Variants in RBFOX1 observed in about 807,000 individuals in gnomAD.
RBFOX1 encodes RNA binding protein fox-1 homolog 1.
In RBFOX1, 8 loss-of-function variants were observed where a neutral mutation model predicts 57.7. The observed-to-expected ratio is 0.14, with a 90% confidence interval of 0.08 to 0.25. The LOEUF (loss-of-function observed/expected upper bound fraction) is 0.25, where lower values mean the gene tolerates loss of function less well. Among genes scored for constraint, RBFOX1 ranks in the 10% least tolerant of loss-of-function variants. RBFOX1 has a pLI of 1.00. For missense variants in RBFOX1, 611 were observed against 548.5 expected (o/e 1.11, Z -1.14); for synonymous variants, 326 against 222.4 (o/e 1.47, Z -4.15).
chr16:5,677,267 G>A (rs938957904), intron 3 of RBFOX1, among the ~76,000 whole-genome samples: 7 of 152,218 alleles, frequency 4.6e-5, no homozygotes, highest in African/African-American at 1.4e-4. Context: ...GTTCTGCAAA[G>A]AATATGTCCT....
At chr16:7,053,965 C>T (rs532937677) in intron 4 of RBFOX1, among the ~76,000 whole-genome samples, 38 of 152,138 alleles carry the variant, frequency 2.5e-4, no homozygotes, top group African/African-American at 8.4e-4. Flanking sequence ...AAAGAGAGTG[C>T]AATGGAGTTT....
At chr16:5,508,615 T>A (rs1397788434) in intron 2 of RBFOX1, among the ~76,000 whole-genome samples, 1 of 151,356 alleles carries the variant, frequency 6.6e-6, no homozygotes, top group Non-Finnish European at 1.5e-5. Context: ...ACACCCAAGA[T>A]GTTGGGGGTG....
chr16:7,469,945 G>T (rs573576921), intron 4 of RBFOX1, among the ~76,000 whole-genome samples: 1 of 151,582 alleles, frequency 6.6e-6, no homozygotes, highest in East Asian at 1.9e-4. Context: ...GTCTTTTTGT[G>T]ACTGGCTTAT....
intron 3 of RBFOX1, among the ~76,000 whole-genome samples, chr16:6,925,964 T>C (rs909783105): frequency 6.6e-6 from 1 of 152,160 alleles, no homozygotes; most frequent in Non-Finnish European, 1.5e-5. Context: ...TCGTTAAGTC[T>C]GTAGTCCTGG....
rs748699794 is a variant in RBFOX1 at position 7,676,754 on chromosome 16, C to T, written c.931-20C>T. 5.0e-6 allele frequency: 8 copies of T among 1,606,960 alleles called. No homozygotes were observed. Among genetic ancestry groups the T allele is most frequent in the Non-Finnish European group, 6.8e-6 (8 of 1,174,382 alleles). On this transcript the variant is annotated intron_variant, in intron 13 of 15. Transcript: ENST00000550418. ...TGGGCTCCGCTACATTCCTGAGTCA[C>T]ATTTCTCCTTGTGTTTTAGGGTGGT...
chr16:7,550,708 G>A lies in RBFOX1; in HGVS notation c.271-29069G>A, dbSNP rs145655408. On this transcript the variant is annotated intron_variant, in intron 5 of 15. Transcript: ENST00000550418. ...TATGCACCATGTCTCTGGACTCACT[G>A]GAGGGCACCTACAGTGAGTTTTCAG... Among the ~76,000 whole-genome samples, 1,345 of 152,174 alleles carry A rather than the reference G, an allele frequency of 8.8e-3. 13 individuals are homozygous for A. The highest frequency in any genetic ancestry group is 0.021 in the South Asian group (102 of 4,810).
chr16:6,926,454 A>G (rs1321430874), intron 3 of RBFOX1, among the ~76,000 whole-genome samples: 1 of 152,194 alleles, frequency 6.6e-6, no homozygotes, highest in African/African-American at 2.4e-5. Flanking sequence ...ATCGGTGTTC[A>G]GATGTAGATA....
At chr16:7,132,737 A>G (rs2070845947) in intron 4 of RBFOX1, among the ~76,000 whole-genome samples, 1 of 152,182 alleles carries the variant, frequency 6.6e-6, no homozygotes, top group Non-Finnish European at 1.5e-5. Flanking sequence ...TCACAAGAAG[A>G]CAAATACTGC....
intron 1 of RBFOX1, among the ~76,000 whole-genome samples, chr16:6,253,625 GGATGGATA>G (rs1352743460): frequency 5.9e-5 from 9 of 151,556 alleles, no homozygotes; most frequent in East Asian, 1.9e-4. Flanking sequence ...ATGGATGGAT[GGATGGATA>G]GATAGATAAT....
intron 3 of RBFOX1, among the ~76,000 whole-genome samples, chr16:5,646,779 C>T (rs570010587): frequency 3.9e-5 from 6 of 152,188 alleles, no homozygotes; most frequent in South Asian, 2.1e-4. Context: ...GGACTACAGG[C>T]GCCCATCACC....
At chr16:7,121,367 A>G (rs2067145806) in intron 4 of RBFOX1, among the ~76,000 whole-genome samples, 1 of 152,146 alleles carries the variant, frequency 6.6e-6, no homozygotes, top group African/African-American at 2.4e-5. Flanking sequence ...TAAAATCCCA[A>G]GGAACTCTAA....
At chr16:7,193,084 A>G (rs999263750) in intron 4 of RBFOX1, among the ~76,000 whole-genome samples, 7 of 152,216 alleles carry the variant, frequency 4.6e-5, no homozygotes, top group South Asian at 2.1e-4. Flanking sequence ...AGGAAAATTA[A>G]GATTACATGT....
At chr16:7,189,088 G>A (rs1193508755) in intron 4 of RBFOX1, among the ~76,000 whole-genome samples, 1 of 151,548 alleles carries the variant, frequency 6.6e-6, no homozygotes, top group African/African-American at 2.4e-5. Flanking sequence ...AATCCTCATA[G>A]GAAGACCTAC....
intron 3 of RBFOX1, among the ~76,000 whole-genome samples, chr16:6,658,121 C>G (rs553693213): frequency 1.3e-5 from 2 of 152,104 alleles, no homozygotes; most frequent in African/African-American, 4.8e-5. Flanking sequence ...GTGCCTCATT[C>G]CCATTCTCTT....
Position 6,845,097 on chromosome 16 carries a change from T to G in RBFOX1, c.-16+190447T>G, listed in dbSNP as rs541115494. On this transcript the variant is annotated intron_variant, in intron 3 of 15. Transcript: ENST00000550418. Reference sequence around the variant, plus strand: ...GGATATTAGACCTTTGTCAGATGGATAGATTGCGAACATTGTCTGCCATTC... The same window carrying G: ...GGATATTAGACCTTTGTCAGATGGAGAGATTGCGAACATTGTCTGCCATTC... 1.2e-4 allele frequency among the ~76,000 whole-genome samples: 19 copies of G among 152,346 alleles called. No individual in the cohort carries two copies. In the South Asian group the frequency reaches 3.7e-3, roughly 30 times the overall value.
At chr16:5,856,833 A>G (rs1285068486) in intron 3 of RBFOX1, among the ~76,000 whole-genome samples, 2 of 151,580 alleles carry the variant, frequency 1.3e-5, no homozygotes, top group Non-Finnish European at 2.9e-5. Flanking sequence ...GTTGTGGCTT[A>G]TTTGATCTTC....
intron 1 of RBFOX1, among the ~76,000 whole-genome samples, chr16:6,278,430 A>C (rs1355062034): frequency 1.3e-5 from 2 of 148,206 alleles, no homozygotes; most frequent in African/African-American, 4.9e-5. Flanking sequence ...ACAACACAAG[A>C]AGAGTATTAC....
intron 3 of RBFOX1, among the ~76,000 whole-genome samples, chr16:6,861,452 C>G (rs751375080): frequency 4.0e-5 from 6 of 151,526 alleles, no homozygotes; most frequent in Non-Finnish European, 8.8e-5. Flanking sequence ...GCCTGACTCT[C>G]TTTTCCAAAA....
chr16:7,373,257 AAAC>A (rs1222220364), intron 4 of RBFOX1, among the ~76,000 whole-genome samples: 4 of 152,122 alleles, frequency 2.6e-5, no homozygotes, highest in African/African-American at 7.2e-5. Context: ...TTTAATTCTA[AAAC>A]AACAATTAGT....
Sources: gnomAD v4.1 joint callset for allele counts (sites outside exome capture counted in the v4.1 genomes callset) on GRCh38, gnomAD v4.1.1 for gene constraint, MANE v1.5 for transcripts, NCBI Gene and HGNC (gene_info 2026-07-23, HGNC 2026-07-21) for gene names.